STK32A: variants seen among roughly 807,000 people sequenced by gnomAD.
STK32A encodes the protein serine/threonine kinase 32A.
In STK32A, 41 loss-of-function variants were observed where a neutral mutation model predicts 53.2. The ratio of observed to expected loss-of-function variants is 0.77; its 90% confidence interval spans 0.60 to 1.00. The LOEUF is 1.00. STK32A is among the 50% of genes least tolerant of loss of function. STK32A has a pLI of 0.00. For missense variants in STK32A, 458 were observed against 485.8 expected (o/e 0.94, Z 0.54); for synonymous variants, 166 against 162.8 (o/e 1.02, Z -0.15).
At chr5:147,280,505 G>A (rs573547636) in intron 4 of STK32A, among the ~76,000 whole-genome samples, 39 of 152,074 alleles carry the variant, frequency 2.6e-4, no homozygotes, top group African/African-American at 8.7e-4. Context: ...GGTGAGGCCT[G>A]TGACTGCCAG....
chr5:147,291,921 A>AT (rs1752618552), intron 4 of STK32A, among the ~76,000 whole-genome samples: 1 of 152,178 alleles, frequency 6.6e-6, no homozygotes, highest in Non-Finnish European at 1.5e-5. Flanking sequence ...CCATGTACGC[A>AT]TTTTTAAGTT....
chr5:147,352,496 G>T (rs1035040494), intron 7 of STK32A, among the ~76,000 whole-genome samples: 2 of 152,176 alleles, frequency 1.3e-5, no homozygotes, highest in Non-Finnish European at 2.9e-5. Context: ...AGCAGAACCA[G>T]CTTTACTTCC....
intron 2 of STK32A, among the ~76,000 whole-genome samples, chr5:147,244,963 C>T (rs995203058): frequency 3.3e-5 from 5 of 152,152 alleles, no homozygotes; most frequent in African/African-American, 1.2e-4. Context: ...CTGAGAAAAA[C>T]AAAATTAATT....
the STK32A span, chr5:147,397,642 C>T: frequency 6.2e-7 from 1 of 1,606,356 alleles, no homozygotes; most frequent in East Asian, 2.2e-5. Flanking sequence ...TCCTGCACCA[C>T]CTCAGAGCTC....
chr5:147,336,658 G>A (rs1755138743), intron 5 of STK32A, among the ~76,000 whole-genome samples: 3 of 152,156 alleles, frequency 2.0e-5, no homozygotes, highest in Admixed American at 2.0e-4. Flanking sequence ...ATCTTAGGAG[G>A]ATGATACCTA....
chr5:147,349,682 T>A lies in STK32A; in HGVS notation c.473-1383T>A, dbSNP rs1219781103. On this transcript the variant is annotated intron_variant, in intron 6 of 12. Transcript: ENST00000397936. ...TAGAGATCATTTAGTCTACTCCTTC[T>A]TTTTTTATGTGAAGGAAAATTTAGA... Among the ~76,000 whole-genome samples, 127 of 152,100 alleles carry A rather than the reference T, an allele frequency of 8.3e-4. 1 individual carries two copies. Among genetic ancestry groups the A allele is most frequent in the Non-Finnish European group, 2.9e-5 (2 of 68,014 alleles).
chr5:147,276,174 G>A (rs919547060), intron 2 of STK32A, among the ~76,000 whole-genome samples: 2 of 152,100 alleles, frequency 1.3e-5, no homozygotes, highest in Non-Finnish European at 2.9e-5. Flanking sequence ...GGTTATTTCA[G>A]TATGAAACTC....
chr5:147,274,798 C>T (rs542748897), intron 2 of STK32A, among the ~76,000 whole-genome samples: 45 of 152,128 alleles, frequency 3.0e-4, no homozygotes, highest in African/African-American at 8.2e-4. Flanking sequence ...GAAGCATAGA[C>T]GTAAATTTCC....
At position 147,372,269 on chromosome 5, in the gene STK32A, C is replaced by CTTTTTTTTTTTT. The variant is rs71274369; in HGVS notation, c.778-881_778-870dup. Among the ~76,000 whole-genome samples, 123 of 49,352 alleles carry CTTTTTTTTTTTT rather than the reference C, an allele frequency of 2.5e-3. 24 individuals carry two copies. The East Asian group carries it at 0.072, about 29-fold the overall frequency. 32.4% of individuals were successfully genotyped at this position (49,352 alleles called of 152,430 possible). A position where few individuals can be genotyped will look rare whatever the true frequency, so the allele number is the denominator to read the frequency against. On this transcript the variant is annotated intron_variant, in intron 9 of 12. Transcript: ENST00000397936. Reference sequence around the variant, plus strand: ...GGGGCCCAAGAGGAATGGGCTTGGCCTTTTTTTTTTTTTTTTTTTTTTTTT... The same window carrying CTTTTTTTTTTTT: ...GGGGCCCAAGAGGAATGGGCTTGGCCTTTTTTTTTTTTTTTTTTTTTTTTTTTTTTTTTTTTT...
At chr5:147,279,429 G>A (rs1422761327) in intron 4 of STK32A, 31 bp downstream of exon 4, 3 of 1,546,474 alleles carry the variant, frequency 1.9e-6, no homozygotes, top group Non-Finnish European at 1.7e-6. Flanking sequence ...TCTGAATAGA[G>A]ACACTCCTGT....
At chr5:147,366,926 C>A (rs1756776035) in intron 8 of STK32A, among the ~76,000 whole-genome samples, 2 of 151,184 alleles carry the variant, frequency 1.3e-5, no homozygotes, top group African/African-American at 4.9e-5. Context: ...TAGATCAGAA[C>A]ACCTAAATCT....
chr5:147,315,788 G>A (rs1436935012), intron 4 of STK32A, among the ~76,000 whole-genome samples: 1 of 151,972 alleles, frequency 6.6e-6, no homozygotes, highest in Non-Finnish European at 1.5e-5. Context: ...GGAAAAGGAG[G>A]GATTACAGAA....
intron 4 of STK32A, among the ~76,000 whole-genome samples, chr5:147,296,897 C>T (rs1289016577): frequency 1.3e-5 from 2 of 152,110 alleles, no homozygotes; most frequent in Non-Finnish European, 2.9e-5. Context: ...GGTGAGATGA[C>T]TGACATCATT....
chr5:147,336,906 C>T (rs1755155706), intron 5 of STK32A, among the ~76,000 whole-genome samples: 1 of 152,224 alleles, frequency 6.6e-6, no homozygotes, highest in African/African-American at 2.4e-5. Context: ...TAAATACAAA[C>T]TATGGACCAT....
intron 2 of STK32A, among the ~76,000 whole-genome samples, chr5:147,263,997 C>A (rs1487039495): frequency 1.1e-4 from 16 of 152,136 alleles, no homozygotes; most frequent in African/African-American, 3.1e-4. Flanking sequence ...GACTTCTCAA[C>A]AGCAATGTGT....
At chr5:147,354,051 C>T (rs959685852) in intron 7 of STK32A, among the ~76,000 whole-genome samples, 2 of 151,304 alleles carry the variant, frequency 1.3e-5, no homozygotes, top group Non-Finnish European at 2.9e-5. Context: ...ACATGCAGAG[C>T]CACCTCACTT....
At chr5:147,258,432 A>G (rs1261811648) in intron 2 of STK32A, among the ~76,000 whole-genome samples, 1 of 152,134 alleles carries the variant, frequency 6.6e-6, no homozygotes, top group African/African-American at 2.4e-5. Context: ...TACTTTCCTT[A>G]TACACCTTGC....
chr5:147,370,966 T>C (rs1008414346), intron 9 of STK32A, among the ~76,000 whole-genome samples, 196 bp downstream of exon 9: 25 of 152,136 alleles, frequency 1.6e-4, no homozygotes, highest in Non-Finnish European at 3.5e-4. Context: ...CCCAAAGCCA[T>C]CTTAAACTCA....
chr5:147,255,089 G>A (rs1284494999), intron 2 of STK32A, among the ~76,000 whole-genome samples: 1 of 152,114 alleles, frequency 6.6e-6, no homozygotes, highest in Non-Finnish European at 1.5e-5. Context: ...GCAGTGAGGC[G>A]AGATCCTGCC....
Sources: gnomAD v4.1 joint callset for allele counts (sites outside exome capture counted in the v4.1 genomes callset) on GRCh38, gnomAD v4.1.1 for gene constraint, MANE v1.5 for transcripts, NCBI Gene and HGNC (gene_info 2026-07-23, HGNC 2026-07-21) for gene names.